EXOC4: variants seen among roughly 807,000 people sequenced by gnomAD.
EXOC4 encodes SEC8-like 1.
Under a neutral mutation model 107.2 loss-of-function variants are expected in EXOC4, and 71 were observed. The observed-to-expected ratio is 0.66, with a 90% confidence interval of 0.55 to 0.81. The LOEUF is 0.81. EXOC4 is among the 30% of genes least tolerant of loss of function. The pLI, the probability that EXOC4 is intolerant of heterozygous loss-of-function variation, is 0.00. For synonymous variants in EXOC4, 456 were observed against 441.2 expected (o/e 1.03, Z -0.42); for missense variants, 1,108 against 1,189.6 (o/e 0.93, Z 1.01).
intron 9 of EXOC4, among the ~76,000 whole-genome samples, chr7:133,586,112 G>T (rs571107165): frequency 6.8e-6 from 1 of 146,016 alleles, no homozygotes; most frequent in Admixed American, 6.7e-5. Flanking sequence ...AGATTCAGGG[G>T]TACATATACA....
intron 9 of EXOC4, among the ~76,000 whole-genome samples, chr7:133,596,737 C>A (rs1310308428): frequency 2.0e-5 from 3 of 152,132 alleles, no homozygotes; most frequent in Non-Finnish European, 4.4e-5. Context: ...GTGTGCCCAG[C>A]ATCATAGCTC....
chr7:133,743,065 A>C (rs1406921188), intron 10 of EXOC4, among the ~76,000 whole-genome samples: 1 of 152,166 alleles, frequency 6.6e-6, no homozygotes, highest in Non-Finnish European at 1.5e-5. Flanking sequence ...AGAAGAACAG[A>C]ATATTGGGTC....
intron 9 of EXOC4, among the ~76,000 whole-genome samples, chr7:133,482,192 A>C (rs752796502): frequency 3.9e-5 from 6 of 152,194 alleles, no homozygotes; most frequent in Non-Finnish European, 8.8e-5. Flanking sequence ...AAAATTAATA[A>C]ACACTATCTG....
At chr7:133,708,225 G>A (rs955800293) in intron 10 of EXOC4, among the ~76,000 whole-genome samples, 2 of 152,118 alleles carry the variant, frequency 1.3e-5, no homozygotes, top group African/African-American at 2.4e-5. Context: ...TTCTTCATAC[G>A]TGACTTGATA....
rs67568218 is a variant in EXOC4 at position 133,584,574 on chromosome 7, G to GTTTTTTTTTTTTT, written c.1418-45461_1418-45460insTTTTTTTTTTTTT. Reference sequence around the variant, plus strand: ...AGGCCTTTGTTTTTTACGTATTTCAGTTTTTTTTTTGTTTTTTTTTTTGAG... The same window carrying GTTTTTTTTTTTTT: ...AGGCCTTTGTTTTTTACGTATTTCAGTTTTTTTTTTTTTTTTTTTTTTTGTTTTTTTTTTTGAG... On this transcript the variant is annotated intron_variant, in intron 9 of 17. Transcript: ENST00000253861. 8.3e-5 allele frequency among the ~76,000 whole-genome samples: 7 copies of GTTTTTTTTTTTTT among 84,814 alleles called. 3 individuals are homozygous for GTTTTTTTTTTTTT. Among genetic ancestry groups the GTTTTTTTTTTTTT allele is most frequent in the African/African-American group, 1.4e-4 (3 of 20,754 alleles). 55.6% of individuals were successfully genotyped at this position (84,814 alleles called of 152,430 possible).
At chr7:133,864,716 C>G (rs945934290) in intron 11 of EXOC4, among the ~76,000 whole-genome samples, 2 of 152,028 alleles carry the variant, frequency 1.3e-5, no homozygotes, top group African/African-American at 4.8e-5. Context: ...AGTATATGTG[C>G]CAGAAAGGGA....
intron 10 of EXOC4, among the ~76,000 whole-genome samples, chr7:133,727,184 A>G (rs2151112863): frequency 6.6e-6 from 1 of 152,336 alleles, no homozygotes; most frequent in South Asian, 2.1e-4. Context: ...AAGTAAGTGA[A>G]TGTCAAGCTA....
intron 7 of EXOC4, among the ~76,000 whole-genome samples, chr7:133,391,090 G>T (rs1796841694): frequency 6.6e-6 from 1 of 152,140 alleles, no homozygotes; most frequent in African/African-American, 2.4e-5. Context: ...AATTTTTGTT[G>T]GTGTTGCCAA....
chr7:133,571,726 G>C (rs1013749560), intron 9 of EXOC4, among the ~76,000 whole-genome samples: 4 of 152,050 alleles, frequency 2.6e-5, no homozygotes, highest in Admixed American at 2.0e-4. Context: ...CCAGAGGCTG[G>C]AAAGTCTGAG....
intron 11 of EXOC4, among the ~76,000 whole-genome samples, chr7:133,866,385 G>A (rs886319747): frequency 6.6e-6 from 1 of 152,070 alleles, no homozygotes; most frequent in African/African-American, 2.4e-5. Flanking sequence ...AGGCCTAGTT[G>A]GTATGAGATG....
chr7:133,578,577 A>G (rs1190971312), intron 9 of EXOC4, among the ~76,000 whole-genome samples: 2 of 152,204 alleles, frequency 1.3e-5, no homozygotes, highest in Non-Finnish European at 2.9e-5. Flanking sequence ...TTATTTGTAC[A>G]GCTGTATCAA....
intron 14 of EXOC4, among the ~76,000 whole-genome samples, chr7:133,971,704 G>A (rs1045469079): frequency 3.3e-5 from 5 of 152,002 alleles, no homozygotes; most frequent in Non-Finnish European, 5.9e-5. Context: ...CAGGCAGTTC[G>A]AAGGAGACAA....
In EXOC4 at chr7:133,894,027, C is replaced by G. The variant is rs1799246325; in HGVS notation, c.1735-1572C>G. Reference sequence around the variant, plus strand: ...GATAATATATCCTGCAGAGTGTTTTCCAACTTGGTTCCATTCTCCGCATCA... The same window carrying G: ...GATAATATATCCTGCAGAGTGTTTTGCAACTTGGTTCCATTCTCCGCATCA... On this transcript the variant is annotated intron_variant, in intron 11 of 17. Transcript: ENST00000253861. Among the ~76,000 whole-genome samples the G allele has an allele frequency of 2.0e-5, 2 of 97,634 alleles. 1 individual carries two copies. Among genetic ancestry groups the G allele is most frequent in the African/African-American group, 1.6e-4 (2 of 12,532 alleles). The allele number at this position is 97,634 out of a possible 152,430, so 64.1% of individuals were successfully genotyped here. A position where few individuals can be genotyped will look rare whatever the true frequency, so the allele number is the denominator to read the frequency against.
At chr7:133,809,071 G>C (rs574961539) in intron 10 of EXOC4, among the ~76,000 whole-genome samples, 4 of 152,158 alleles carry the variant, frequency 2.6e-5, no homozygotes, top group Non-Finnish European at 5.9e-5. Flanking sequence ...GGGGGAATGT[G>C]CATTTTATTT....
chr7:133,631,083 A>G (rs1052975485), intron 10 of EXOC4, among the ~76,000 whole-genome samples: 11 of 152,120 alleles, frequency 7.2e-5, no homozygotes, highest in African/African-American at 2.7e-4. Flanking sequence ...TTTTACCACA[A>G]TTTTTAAAAT....
At chr7:133,968,516 C>T (rs186659749) in intron 14 of EXOC4, among the ~76,000 whole-genome samples, 16 of 152,288 alleles carry the variant, frequency 1.1e-4, no homozygotes, top group African/African-American at 3.4e-4. Context: ...CCTTCAGGAA[C>T]TCTTGTAAGG....
At chr7:133,360,088 G>A (rs1218195528) in intron 6 of EXOC4, among the ~76,000 whole-genome samples, 2 of 152,124 alleles carry the variant, frequency 1.3e-5, no homozygotes, top group Non-Finnish European at 2.9e-5. Flanking sequence ...AGAAAGACAG[G>A]CAGCGTCTTC....
At chr7:133,701,979 C>CTTTCTTT (rs1296914833) in intron 10 of EXOC4, among the ~76,000 whole-genome samples, 1 of 140,460 alleles carries the variant, frequency 7.1e-6, no homozygotes, top group East Asian at 2.2e-4. Context: ...TTTTCTTTTT[C>CTTTCTTT]CTTTTCTTTC....
chr7:134,051,503 T>G (rs1795786470), intron 17 of EXOC4, among the ~76,000 whole-genome samples: 2 of 151,654 alleles, frequency 1.3e-5, no homozygotes, highest in African/African-American at 2.4e-5. Flanking sequence ...AAACCCTGTC[T>G]CTACTAAAAA....
Sources: allele counts gnomAD v4.1 joint callset (sites outside exome capture counted in the v4.1 genomes callset), GRCh38; gene constraint gnomAD v4.1.1; transcripts MANE v1.5; gene names NCBI Gene and HGNC (gene_info 2026-07-23, HGNC 2026-07-21).